Variants in EYA3 observed in about 807,000 individuals in gnomAD.
EYA3 encodes EYA transcriptional coactivator and phosphatase 3.
A neutral mutation model predicts 80.0 loss-of-function variants in EYA3; 39 were observed. That is an observed-to-expected ratio of 0.49 (90% CI 0.38 to 0.64). The LOEUF is 0.64. Among genes scored for constraint, EYA3 ranks in the 30% least tolerant of loss-of-function variants. The probability of loss-of-function intolerance (pLI) is 0.00; values close to 1 mark genes in which losing one functional copy is unlikely to be tolerated. For missense variants in EYA3, 523 were observed against 676.1 expected, an observed-to-expected ratio of 0.77 and a Z score of 2.51; for synonymous variants, 206 against 232.8, an observed-to-expected ratio of 0.88 and a Z score of 1.05.
chr1:28,066,322 G>C (rs933712895), intron 1 of EYA3, among the ~76,000 whole-genome samples: 1 of 151,876 alleles, frequency 6.6e-6, no homozygotes, highest in Non-Finnish European at 1.5e-5. Flanking sequence ...ACAGATGGTG[G>C]GGGTACTACC....
chr1:28,079,472 T>C (rs897433877), intron 1 of EYA3, among the ~76,000 whole-genome samples: 3 of 152,190 alleles, frequency 2.0e-5, no homozygotes, highest in Non-Finnish European at 4.4e-5. Flanking sequence ...CTTTGTAACC[T>C]TTTGACTAGT....
At chr1:28,054,428 CAA>C (rs1332363327) in intron 2 of EYA3, among the ~76,000 whole-genome samples, 4 of 152,034 alleles carry the variant, frequency 2.6e-5, no homozygotes, top group South Asian at 2.1e-4. Flanking sequence ...CTAAATTTTT[CAA>C]AAAGAGTTTA....
intron 17 of EYA3, among the ~76,000 whole-genome samples, chr1:27,976,145 C>T (rs1365540469): frequency 1.3e-5 from 2 of 152,152 alleles, no homozygotes; most frequent in Non-Finnish European, 2.9e-5. Context: ...GAAGAGGAAA[C>T]CGACTTGTTA....
At chr1:28,084,556 A>ATATATATATAT (rs1645543986) in intron 1 of EYA3, among the ~76,000 whole-genome samples, 3 of 32,726 alleles carry the variant, frequency 9.2e-5, no homozygotes, top group African/African-American at 3.5e-4. Context: ...ACTATTCCAA[A>ATATATATATAT]ATATATATAT....
chr1:28,019,512 A>G (rs978059282), intron 7 of EYA3, among the ~76,000 whole-genome samples: 2 of 152,186 alleles, frequency 1.3e-5, no homozygotes. Context: ...TTATCAGTAC[A>G]TTATCCTAGG....
intron 5 of EYA3, among the ~76,000 whole-genome samples, chr1:28,036,776 A>G (rs1643476842): frequency 6.6e-6 from 1 of 152,220 alleles, no homozygotes; most frequent in African/African-American, 2.4e-5. Flanking sequence ...CACTGTATAT[A>G]TAAGTAAAAA....
chr1:28,000,880 T>C lies in EYA3; in HGVS notation c.994-831A>G, dbSNP rs75945112. On this transcript the variant is annotated intron_variant, in intron 11 of 17. Coordinates refer to ENST00000373871, the MANE Select transcript of EYA3 (RefSeq NM_001990.4). ...GAGTTTGAGACTAGCCTGGGCAACATGGTGAAACCATGTCTCTACAAAAGT... is the reference window on the plus strand; with the variant it reads ...GAGTTTGAGACTAGCCTGGGCAACACGGTGAAACCATGTCTCTACAAAAGT... Among the ~76,000 whole-genome samples the C allele has an allele frequency of 6.5e-4, 99 of 152,234 alleles. No individual in the cohort carries two copies. The East Asian group carries it at 0.018, about 28-fold the overall frequency.
chr1:27,980,620 G>C (rs184003308), intron 16 of EYA3, among the ~76,000 whole-genome samples: 5 of 152,334 alleles, frequency 3.3e-5, no homozygotes, highest in Admixed American at 2.0e-4. Flanking sequence ...CTGGATATGA[G>C]CTTTCCTGTT....
rs765199872 is a variant in EYA3, at chr1:28,035,533, C to CAGTGCCTTACCAAAAGGAGGT, written c.351_361+10dup. 20 of 1,611,018 alleles carry CAGTGCCTTACCAAAAGGAGGT rather than the reference C, an allele frequency of 1.2e-5. No individual in the cohort carries two copies. In the Admixed American group the frequency reaches 2.4e-4, roughly 19 times the overall value. ...ACATTCTTAGAAATTGTTTACAATACAGTGCCTTACCAAAAGGAGGTAGTC... is the reference window on the plus strand; with the variant it reads ...ACATTCTTAGAAATTGTTTACAATACAGTGCCTTACCAAAAGGAGGTAGTGCCTTACCAAAAGGAGGTAGTC... On this transcript the variant is annotated intron_variant, in intron 6 of 17. Transcript: ENST00000373871.
intron 16 of EYA3, among the ~76,000 whole-genome samples, chr1:27,986,533 G>C (rs1433124034): frequency 6.6e-6 from 1 of 151,186 alleles, no homozygotes; most frequent in Non-Finnish European, 1.5e-5. Flanking sequence ...AAGTAGGTGG[G>C]ATTACAGGCT....
intron 1 of EYA3, among the ~76,000 whole-genome samples, chr1:28,073,103 TTATATATATATATA>T (rs201041762): frequency 2.6e-5 from 1 of 37,762 alleles, no homozygotes; most frequent in African/African-American, 1.6e-4. Flanking sequence ...GATGAAACTA[TTATATATATATATA>T]TATATATATA....
At chr1:28,063,008 C>CA (rs1250302998) in intron 1 of EYA3, among the ~76,000 whole-genome samples, 9,204 of 84,966 alleles carry the variant, frequency 0.11, 637 homozygotes, top group East Asian at 0.32. Flanking sequence ...CGCTCCATCT[C>CA]AAAAAAAAAA....
At chr1:28,054,575 TCA>T (rs1218758266) in intron 2 of EYA3, among the ~76,000 whole-genome samples, 1 of 152,012 alleles carries the variant, frequency 6.6e-6, no homozygotes, top group Non-Finnish European at 1.5e-5. Context: ...CTCTGAAAAA[TCA>T]CAGAGAATAA....
In EYA3 at chr1:28,058,199, C is replaced by A. The variant is rs1571916317; in HGVS notation, c.-68-105G>T. 6.8e-6 allele frequency: 3 copies of A among 443,780 alleles called. 1 individual carries two copies. The South Asian group carries it at 1.9e-4, about 28-fold the overall frequency. The allele number at this position is 443,780 out of a possible 1,614,324, so 27.5% of individuals were successfully genotyped here. A position where few individuals can be genotyped will look rare whatever the true frequency, so the allele number is the denominator to read the frequency against. On this transcript the variant is annotated intron_variant, in intron 1 of 17. Transcript: ENST00000373871. ...GTATCTTGCTACCCCAAGCTTTCTA[C>A]GTGAGTTCCAATCACAAAATCTCAA...
At chr1:27,986,399 A>ATT (rs111866821) in intron 16 of EYA3, among the ~76,000 whole-genome samples, 1,400 of 135,298 alleles carry the variant, frequency 0.01, 18 homozygotes, top group African/African-American at 0.026. Context: ...CTCTCTTAAC[A>ATT]TTTTTTTTTT....
chr1:28,051,782 C>T (rs183905595), intron 2 of EYA3, among the ~76,000 whole-genome samples: 3 of 152,114 alleles, frequency 2.0e-5, no homozygotes, highest in African/African-American at 4.8e-5. Context: ...TAAATAAATG[C>T]AAAGACACCC....
chr1:27,971,002 GTT>G lies in EYA3; in HGVS notation c.*3462_*3463del, dbSNP rs148369542. ...ATTCTATTTGGAATTTTAAAGCTGA[GTT>G]TGTGTAAACTGCGAACAAGCTGTGG... On this transcript the variant is annotated 3_prime_UTR_variant, in exon 18 of 18. Coordinates refer to ENST00000373871, the MANE Select transcript of EYA3 (RefSeq NM_001990.4). 338 of 152,346 alleles carry G rather than the reference GTT, an allele frequency of 2.2e-3. 2 individuals carry two copies. Among genetic ancestry groups the G allele is most frequent in the Non-Finnish European group, 4.4e-3 (298 of 68,042 alleles). The allele number at this position is 152,346 out of a possible 1,614,324, so 9.4% of individuals were successfully genotyped here.
intron 1 of EYA3, among the ~76,000 whole-genome samples, chr1:28,065,399 A>G (rs1457658212): frequency 6.6e-6 from 1 of 151,968 alleles, no homozygotes; most frequent in Non-Finnish European, 1.5e-5. Flanking sequence ...CAGCCTCCTG[A>G]GTAGCTGGGA....
intron 13 of EYA3, among the ~76,000 whole-genome samples, chr1:27,994,656 C>A (rs1343483761): frequency 6.6e-6 from 1 of 152,162 alleles, no homozygotes; most frequent in Admixed American, 6.5e-5. Context: ...CACTGCACTT[C>A]AGCTTGCGGG....
Sources: gnomAD v4.1 joint callset for allele counts (sites outside exome capture counted in the v4.1 genomes callset) on GRCh38, gnomAD v4.1.1 for gene constraint, MANE v1.5 for transcripts, NCBI Gene and HGNC (gene_info 2026-07-23, HGNC 2026-07-21) for gene names.